Variants in COL13A1 observed in about 807,000 individuals in gnomAD.
The protein encoded by COL13A1 is collagen type XIII alpha 1 chain, also known as collagen alpha-1(XIII) chain.
COL13A1 carries 89 observed loss-of-function variants against 130.9 expected under a neutral mutation model. That is an observed-to-expected ratio of 0.68 (90% CI 0.57 to 0.81). The LOEUF (loss-of-function observed/expected upper bound fraction) is 0.81, where lower values mean the gene tolerates loss of function less well. COL13A1 is among the 30% of genes least tolerant of loss of function. The pLI, the probability that COL13A1 is intolerant of heterozygous loss-of-function variation, is 0.00. For synonymous variants in COL13A1, 402 were observed against 341.6 expected, an observed-to-expected ratio of 1.18 and a Z score of -1.95; for missense variants, 879 against 934.6, an observed-to-expected ratio of 0.94 and a Z score of 0.78.
At chr10:69,825,323 C>T (rs1406626176) in intron 2 of COL13A1, among the ~76,000 whole-genome samples, 1 of 152,220 alleles carries the variant, frequency 6.6e-6, no homozygotes. Context: ...TTATAAACAA[C>T]TTTAAGGCTC....
chr10:69,906,044 A>C (rs991970932), intron 17 of COL13A1, among the ~76,000 whole-genome samples: 1 of 152,196 alleles, frequency 6.6e-6, no homozygotes, highest in African/African-American at 2.4e-5. Context: ...AGGATGTAGG[A>C]CATGGAGGGG....
intron 2 of COL13A1, among the ~76,000 whole-genome samples, chr10:69,836,190 T>G (rs761025359): frequency 7.9e-5 from 12 of 152,198 alleles, no homozygotes; most frequent in Admixed American, 1.3e-4. Flanking sequence ...GAGCCCACAG[T>G]CCAGGAAGGG....
intron 2 of COL13A1, among the ~76,000 whole-genome samples, chr10:69,854,232 C>G (rs1018890983): frequency 3.3e-5 from 5 of 152,098 alleles, no homozygotes; most frequent in African/African-American, 4.8e-5. Flanking sequence ...TCCCTTTGCC[C>G]CTTCTCGTGC....
intron 34 of COL13A1, among the ~76,000 whole-genome samples, chr10:69,938,230 G>A (rs2067197756): frequency 6.6e-6 from 1 of 152,188 alleles, no homozygotes; most frequent in Non-Finnish European, 1.5e-5. Context: ...GGAGATCTCT[G>A]ATCTCAGCCT....
intron 38 of COL13A1, among the ~76,000 whole-genome samples, chr10:69,948,234 C>T (rs1437134588): frequency 1.3e-5 from 2 of 152,220 alleles, no homozygotes; most frequent in Non-Finnish European, 2.9e-5. Flanking sequence ...GAAGAGCACA[C>T]GGTCTCCAGA....
intron 2 of COL13A1, among the ~76,000 whole-genome samples, chr10:69,860,090 C>T (rs943540184): frequency 6.6e-6 from 1 of 152,188 alleles, no homozygotes; most frequent in Non-Finnish European, 1.5e-5. Context: ...GGGGTCTGTA[C>T]CTGGTGGGCA....
intron 13 of COL13A1, among the ~76,000 whole-genome samples, chr10:69,898,374 A>G (rs920511637): frequency 5.3e-5 from 8 of 152,210 alleles, no homozygotes; most frequent in African/African-American, 1.9e-4. Flanking sequence ...TGTGGGAGCC[A>G]CTGTCCCATT....
intron 31 of COL13A1, 144 bp from the exon 32 acceptor site, chr10:69,935,206 G>C: frequency 1.1e-5 from 7 of 660,056 alleles, no homozygotes; most frequent in Non-Finnish European, 1.8e-5. Context: ...GCCTTTTTTG[G>C]GGGATACTGT....
At chr10:69,937,612 C>T (rs780387685) in intron 33 of COL13A1, 23 bp from the exon 34 acceptor site, 9 of 1,113,570 alleles carry the variant, frequency 8.1e-6, no homozygotes, top group South Asian at 3.7e-5. Context: ...TGTGTGATCT[C>T]GTCCCCTCTC....
At chr10:69,944,239 A>T in intron 36 of COL13A1, 61 bp downstream of exon 36, 1 of 1,406,832 alleles carries the variant, frequency 7.1e-7, no homozygotes, top group East Asian at 2.3e-5. Flanking sequence ...CTGGGACCCA[A>T]CACCAGGGGT....
chr10:69,886,141 T>A (rs879896736), intron 7 of COL13A1, among the ~76,000 whole-genome samples: 13 of 152,180 alleles, frequency 8.5e-5, no homozygotes, highest in Non-Finnish European at 1.8e-4. Context: ...AAGGACAAAC[T>A]TTCATTGATC....
intron 13 of COL13A1, among the ~76,000 whole-genome samples, chr10:69,897,171 G>A (rs999657564): frequency 2.6e-5 from 4 of 152,218 alleles, no homozygotes; most frequent in African/African-American, 9.6e-5. Flanking sequence ...AACATGTCAA[G>A]CGTGGGGTGG....
At chr10:69,934,220 T>C (rs1489497131) in intron 31 of COL13A1, among the ~76,000 whole-genome samples, 4 of 152,256 alleles carry the variant, frequency 2.6e-5, no homozygotes, top group Non-Finnish European at 5.9e-5. Flanking sequence ...TCTTCTGGAA[T>C]GTGTCCAGTT....
intron 2 of COL13A1, among the ~76,000 whole-genome samples, chr10:69,852,625 G>A (rs116207940): frequency 1.3e-5 from 2 of 152,262 alleles, no homozygotes; most frequent in African/African-American, 4.8e-5. Context: ...TGACTGGGCT[G>A]GTGTGGACCC....
chr10:69,936,156 GGAAGGAAGGAAGGAAGGAAGGAAAGGAAA>G (rs2066870439), intron 32 of COL13A1, among the ~76,000 whole-genome samples: 1 of 4,902 alleles, frequency 2.0e-4, no homozygotes, highest in Non-Finnish European at 1.7e-3. Context: ...AAGGAAGGAA[GGAAGGAAGGAAGGAAGGAAGGAAAGGAAA>G]GGAAGGAAGG....
chr10:69,876,050 C>T (rs1010962429), intron 5 of COL13A1, among the ~76,000 whole-genome samples: 7 of 152,202 alleles, frequency 4.6e-5, no homozygotes, highest in African/African-American at 4.8e-5. Flanking sequence ...GTGAGTCTGC[C>T]GGTGCTCAGA....
chr10:69,893,025 G>A (rs988002550), intron 10 of COL13A1, among the ~76,000 whole-genome samples: 13 of 152,264 alleles, frequency 8.5e-5, no homozygotes, highest in East Asian at 3.9e-4. Flanking sequence ...GTTCCCTGCC[G>A]GATGAATCAT....
intron 7 of COL13A1, among the ~76,000 whole-genome samples, 152 bp downstream of exon 7, chr10:69,880,705 G>A (rs1005798773): frequency 3.3e-5 from 5 of 152,238 alleles, no homozygotes; most frequent in African/African-American, 9.6e-5. Flanking sequence ...GCCAGGCCTC[G>A]GGTGCCGATG....
intron 2 of COL13A1, among the ~76,000 whole-genome samples, chr10:69,822,978 A>C (rs1283106501): frequency 6.6e-6 from 1 of 152,282 alleles, no homozygotes; most frequent in Non-Finnish European, 1.5e-5. Context: ...TGAAGGCACA[A>C]GCCAAAGGTC....
Sources: allele counts gnomAD v4.1 joint callset (sites outside exome capture counted in the v4.1 genomes callset), GRCh38; gene constraint gnomAD v4.1.1; transcripts MANE v1.5; gene names NCBI Gene and HGNC (gene_info 2026-07-23, HGNC 2026-07-21).